Variants in CD1B observed in about 807,000 individuals in gnomAD.
CD1B encodes the protein T-cell surface glycoprotein CD1b.
CD1B carries 43 observed loss-of-function variants against 39.8 expected under a neutral mutation model. The observed-to-expected ratio is 1.08, with a 90% CI of 0.85 to 1.39. The LOEUF is 1.39. Among genes scored for constraint, CD1B ranks in the 40% most tolerant of loss-of-function variants. CD1B has a pLI of 0.00. For missense variants in CD1B, 495 were observed against 403.8 expected (o/e 1.23, Z -1.94); for synonymous variants, 192 against 152.5 (o/e 1.26, Z -1.91).
the CD1B span, among the ~76,000 whole-genome samples, chr1:158,322,547 G>A: frequency 1.8e-4 from 28 of 151,780 alleles, no homozygotes; most frequent in Non-Finnish European, 3.4e-4. Context: ...TGGGGTTACA[G>A]CCATGAGCTA....
the CD1B span, among the ~76,000 whole-genome samples, chr1:158,304,817 A>C: frequency 6.6e-6 from 1 of 152,214 alleles, no homozygotes; most frequent in East Asian, 1.9e-4. Flanking sequence ...GCTGATACCC[A>C]GGAAAACAGG....
At chr1:158,296,557 A>G in the CD1B span, among the ~76,000 whole-genome samples, 1 of 152,194 alleles carries the variant, frequency 6.6e-6, no homozygotes, top group Non-Finnish European at 1.5e-5. Context: ...CTTACTTCCA[A>G]ATGAACACAC....
At chr1:158,286,357 C>A in the CD1B span, among the ~76,000 whole-genome samples, 7 of 152,154 alleles carry the variant, frequency 4.6e-5, no homozygotes, top group Non-Finnish European at 7.3e-5. Context: ...AAGTATTCAC[C>A]AGTGTAAAGA....
chr1:158,305,168 C>G, the CD1B span, among the ~76,000 whole-genome samples: 3 of 151,748 alleles, frequency 2.0e-5, no homozygotes, highest in Non-Finnish European at 2.9e-5. Flanking sequence ...GAACTCATCG[C>G]AAAGAAGTTA....
the CD1B span, among the ~76,000 whole-genome samples, chr1:158,317,839 T>A: frequency 6.6e-6 from 1 of 152,218 alleles, no homozygotes; most frequent in African/African-American, 2.4e-5. Flanking sequence ...TTTGAATGCG[T>A]CCCAGAGATT....
At chr1:158,311,276 T>C in the CD1B span, among the ~76,000 whole-genome samples, 1 of 152,142 alleles carries the variant, frequency 6.6e-6, no homozygotes, top group African/African-American at 2.4e-5. Context: ...CCCTACTGAT[T>C]AGTCATGTTG....
chr1:158,304,088 T>C, the CD1B span, among the ~76,000 whole-genome samples: 1 of 151,810 alleles, frequency 6.6e-6, no homozygotes, highest in African/African-American at 2.4e-5. Context: ...TGTCAGAAAG[T>C]GGGTGCAGGA....
At chr1:158,329,777 G>T in intron 3 of CD1B, 75 bp downstream of exon 3, 1 of 1,558,706 alleles carries the variant, frequency 6.4e-7, no homozygotes, top group South Asian at 1.2e-5. Context: ...TGTTATTTAA[G>T]CTCCTATCCT....
chr1:158,319,928 G>A, the CD1B span, among the ~76,000 whole-genome samples: 8 of 152,036 alleles, frequency 5.3e-5, no homozygotes, highest in Admixed American at 3.9e-4. Flanking sequence ...GCCGTGTGAG[G>A]TGTCAGTGTG....
At chr1:158,320,544 C>T in the CD1B span, among the ~76,000 whole-genome samples, 4 of 152,226 alleles carry the variant, frequency 2.6e-5, no homozygotes, top group Non-Finnish European at 5.9e-5. Flanking sequence ...ACCCACTGAC[C>T]TGCACCCACT....
At chr1:158,293,377 T>C in the CD1B span, 8 of 1,593,252 alleles carry the variant, frequency 5.0e-6, no homozygotes, top group Admixed American at 1.7e-5. Context: ...TTAGCTTTTC[T>C]CTATTGACTA....
At chr1:158,291,290 A>C in the CD1B span, 2 of 1,614,188 alleles carry the variant, frequency 1.2e-6, no homozygotes, top group Non-Finnish European at 1.7e-6. Flanking sequence ...AACTGGTCCA[A>C]GGGCAACTTC....
chr1:158,330,112 C>T lies in CD1B; in HGVS notation c.347G>A (p.Gly116Asp), dbSNP rs750083283. The T allele has an allele frequency of 2.6e-5, 42 of 1,613,166 alleles. No homozygotes were observed. In the East Asian group the frequency reaches 3.8e-4, roughly 15 times the overall value. ...FQMKYPFEIQ[G>D]IAGCELHSGG... ...AGAATGTAGCTCACAGCCTGCTATG[C>T]CCTGGATCTCAAAGGGGTCTATGTA... Residue 116 changes from glycine (G) to aspartate (D), a missense_variant, in exon 3 of 6, where the codon GGC becomes GAC. By Grantham distance (94) the Gly-to-Asp change is moderately conservative. Transcript: ENST00000368168.
the CD1B span, among the ~76,000 whole-genome samples, chr1:158,311,075 AT>A: frequency 6.6e-6 from 1 of 152,172 alleles, no homozygotes; most frequent in Admixed American, 6.5e-5. Context: ...GAAAAAAATA[AT>A]TTTTAAAAAT....
At chr1:158,330,456 G>T (rs922381867) in intron 2 of CD1B, 46 of 553,256 alleles carry the variant, frequency 8.3e-5, no homozygotes, top group Non-Finnish European at 1.4e-4. Flanking sequence ...GGAGATGATT[G>T]AAAAGATGGA....
At chr1:158,326,656 CAT>C (rs1166369469), downstream of CD1B, among the ~76,000 whole-genome samples, 5 of 152,032 alleles carry the variant, frequency 3.3e-5, no homozygotes, top group South Asian at 4.1e-4. Flanking sequence ...TACAGAAAGA[CAT>C]GTTGAAATAG....
chr1:158,314,443 G>A, the CD1B span, among the ~76,000 whole-genome samples: 1 of 151,874 alleles, frequency 6.6e-6, no homozygotes, highest in African/African-American at 2.4e-5. Context: ...GTTTTTTAAG[G>A]CTCTATTTAA....
chr1:158,322,431 G>T, the CD1B span, among the ~76,000 whole-genome samples: 42,719 of 133,442 alleles, frequency 0.32, 6,928 homozygotes, highest in African/African-American at 0.5. Flanking sequence ...TTTTTTTTTT[G>T]TGTGTGTGTG....
At chr1:158,327,477 A>G (rs926833592), downstream of CD1B, among the ~76,000 whole-genome samples, 1 of 152,208 alleles carries the variant, frequency 6.6e-6, no homozygotes, top group Non-Finnish European at 1.5e-5. Flanking sequence ...AATCTACAAT[A>G]TCAACTAAAA....
Sources: allele counts gnomAD v4.1 joint callset (sites outside exome capture counted in the v4.1 genomes callset), GRCh38; gene constraint gnomAD v4.1.1; transcripts MANE v1.5; gene names NCBI Gene and HGNC (gene_info 2026-07-23, HGNC 2026-07-21).